ZHX3: variants seen among roughly 807,000 people sequenced by gnomAD.
ZHX3 encodes the protein zinc fingers and homeoboxes 3, also known as zinc fingers and homeoboxes protein 3.
In ZHX3, 20 loss-of-function variants were observed where a neutral mutation model predicts 64.5. The ratio of observed to expected loss-of-function variants is 0.31; its 90% CI spans 0.22 to 0.45. The LOEUF (loss-of-function observed/expected upper bound fraction) is 0.45, where lower values mean the gene tolerates loss of function less well. Among genes scored for constraint, ZHX3 ranks in the 20% least tolerant of loss-of-function variants. The pLI is 1.00. For missense variants in ZHX3, 1,041 were observed against 1,195.8 expected, an observed-to-expected ratio of 0.87 and a Z score of 1.91; for synonymous variants, 423 against 461.6, an observed-to-expected ratio of 0.92 and a Z score of 1.07.
intron 1 of ZHX3, among the ~76,000 whole-genome samples, chr20:41,276,388 G>A (rs2043381985): frequency 6.6e-6 from 1 of 152,122 alleles, no homozygotes; most frequent in Non-Finnish European, 1.5e-5. Context: ...GAAATTTGCT[G>A]CAAGGCTGCT....
chr20:41,204,640 C>G lies in ZHX3; in HGVS notation c.277G>C (p.Val93Leu). ...DFRSHDMTQFVGHMNSEHTDF... is the reference protein window; with the variant it reads ...DFRSHDMTQFLGHMNSEHTDF... ...GTGTGCTCTGAGTTCATATGTCCCA[C>G]AAATTGGGTCATGTCATGGGATCTG... The change falls in exon 3 of 4, where the codon GTG (valine) becomes CTG (leucine). Residue 93 changes from valine to leucine, a missense_variant. Around this residue, in one of 4 missense-constraint regions of ZHX3, gnomAD observed 358 missense variants for 369.1 expected, o/e 0.97. Coordinates refer to ENST00000683867, the MANE Select transcript of ZHX3 (RefSeq NM_001384317.1). This position sits in a 1 kb window ranked among gnomAD's most constrained non-coding sequence, Gnocchi z 6.6. 6.2e-7 allele frequency: 1 copy of G among 1,614,230 alleles called. No individual in the cohort carries two copies. Among genetic ancestry groups the G allele is most frequent in the Non-Finnish European group, 8.5e-7 (1 of 1,180,042 alleles).
intron 1 of ZHX3, among the ~76,000 whole-genome samples, chr20:41,283,859 C>G (rs888610306): frequency 1.3e-4 from 20 of 152,284 alleles, no homozygotes; most frequent in Non-Finnish European, 2.6e-4. Context: ...AACCCAGCTC[C>G]TCTTAGGAAC....
intron 3 of ZHX3, among the ~76,000 whole-genome samples, chr20:41,194,122 T>C (rs981456184): frequency 1.3e-5 from 2 of 152,216 alleles, no homozygotes; most frequent in Non-Finnish European, 2.9e-5. Context: ...CTTCCAATGC[T>C]GTTTTGAATA....
intron 2 of ZHX3, among the ~76,000 whole-genome samples, chr20:41,231,972 G>A (rs2040633432): frequency 1.3e-5 from 2 of 152,184 alleles, no homozygotes; most frequent in Admixed American, 6.5e-5. Flanking sequence ...GTGGAAACTA[G>A]CTATGGAAAC....
intron 3 of ZHX3, among the ~76,000 whole-genome samples, chr20:41,188,222 A>T (rs909325582): frequency 2.6e-5 from 4 of 152,050 alleles, no homozygotes; most frequent in Admixed American, 2.6e-4. Context: ...CTCCAGTTCT[A>T]TTATTTTTTG....
chr20:41,268,695 A>C (rs1306025090), intron 2 of ZHX3, among the ~76,000 whole-genome samples: 1 of 152,242 alleles, frequency 6.6e-6, no homozygotes, highest in African/African-American at 2.4e-5. Flanking sequence ...GAGAGACACA[A>C]CACAGGATAC....
rs950724646 is a variant in ZHX3, at chr20:41,201,942, T to C, written c.2860+115A>G. 20 of 1,331,228 alleles carry C rather than the reference T, an allele frequency of 1.5e-5. No individual in the cohort carries two copies. In the African/African-American group the frequency reaches 2.7e-4, roughly 18 times the overall value. The allele number at this position is 1,331,228 out of a possible 1,614,324, so 82.5% of individuals were successfully genotyped here. ...GAAGCAGCCAGGCGGTTAATGCTGCTGCCAGGCAGCCTTAGAGACAGCAGA... is the reference window on the plus strand; with the variant it reads ...GAAGCAGCCAGGCGGTTAATGCTGCCGCCAGGCAGCCTTAGAGACAGCAGA... On this transcript the variant is annotated intron_variant, in intron 3 of 3. Coordinates refer to ENST00000683867, the MANE Select transcript of ZHX3 (RefSeq NM_001384317.1). The surrounding 1 kb of genome is among the most constrained non-coding windows in gnomAD (Gnocchi z 5.0).
intron 1 of ZHX3, among the ~76,000 whole-genome samples, chr20:41,284,362 C>T (rs867907337): frequency 3.3e-5 from 5 of 152,154 alleles, no homozygotes; most frequent in South Asian, 2.1e-4. Flanking sequence ...TCTCTCACCA[C>T]AGAGCAAGCT....
At chr20:41,305,741 G>A (rs931916318) in intron 1 of ZHX3, among the ~76,000 whole-genome samples, 3 of 148,862 alleles carry the variant, frequency 2.0e-5, no homozygotes, top group Middle Eastern at 3.6e-3. Context: ...CCGAGATCGC[G>A]CCACTGCACT....
intron 3 of ZHX3, among the ~76,000 whole-genome samples, chr20:41,191,816 G>A (rs376382538): frequency 3.2e-4 from 49 of 152,330 alleles, no homozygotes; most frequent in African/African-American, 1.1e-3. Flanking sequence ...AGTTACTAGT[G>A]GAAGCTATGG....
chr20:41,258,982 CT>C (rs1475743068), intron 2 of ZHX3, among the ~76,000 whole-genome samples: 1 of 151,744 alleles, frequency 6.6e-6, no homozygotes, highest in East Asian at 1.9e-4. Flanking sequence ...GTGAATTTTA[CT>C]TTTCTTCTGC....
intron 1 of ZHX3, among the ~76,000 whole-genome samples, chr20:41,286,654 T>C (rs1600632858): frequency 1.3e-5 from 2 of 152,196 alleles, no homozygotes; most frequent in South Asian, 4.1e-4. Flanking sequence ...CCCTGCATGA[T>C]CTATCTTCCC....
At chr20:41,194,852 TTATAA>T (rs769892135) in intron 3 of ZHX3, among the ~76,000 whole-genome samples, 36 of 152,326 alleles carry the variant, frequency 2.4e-4, no homozygotes, top group Middle Eastern at 6.8e-3. Context: ...TAGTAGTCTC[TTATAA>T]TATCATATTC....
At chr20:41,252,333 A>G (rs1016069296) in intron 2 of ZHX3, among the ~76,000 whole-genome samples, 2 of 152,208 alleles carry the variant, frequency 1.3e-5, no homozygotes, top group African/African-American at 4.8e-5. Flanking sequence ...GGACTACTGG[A>G]TGCCTGCCTC....
intron 1 of ZHX3, among the ~76,000 whole-genome samples, chr20:41,292,845 A>T (rs1396036487): frequency 6.6e-6 from 1 of 152,276 alleles, no homozygotes; most frequent in Non-Finnish European, 1.5e-5. Context: ...AACAGTATAC[A>T]CAACCACTTT....
intron 2 of ZHX3, among the ~76,000 whole-genome samples, chr20:41,216,078 CTAT>C (rs2039514089): frequency 6.6e-6 from 1 of 152,020 alleles, no homozygotes; most frequent in Non-Finnish European, 1.5e-5. Context: ...AATGTGACTA[CTAT>C]GAGGTTGATC....
At chr20:41,186,340 C>T (rs1222955867) in intron 3 of ZHX3, among the ~76,000 whole-genome samples, 1 of 152,170 alleles carries the variant, frequency 6.6e-6, no homozygotes, top group Admixed American at 6.5e-5. Flanking sequence ...GAATTTTATT[C>T]CTTTTTTGGC....
rs969461377 is a variant in ZHX3, at chr20:41,219,130, C to T, written c.-150-14064G>A. 3.3e-5 allele frequency among the ~76,000 whole-genome samples: 5 copies of T among 151,838 alleles called. No homozygotes were observed. Among genetic ancestry groups the T allele is most frequent in the South Asian group, 2.1e-4 (1 of 4,822 alleles). ...ATTTTTATTAGAGACGGGTTTTCAC[C>T]GTGTTAGCGAGCATGGTCTCGATCT... On this transcript the variant is annotated intron_variant, in intron 2 of 3. Transcript: ENST00000683867. This position sits in a 1 kb window ranked among gnomAD's most constrained non-coding sequence, Gnocchi z 5.0.
intron 1 of ZHX3, among the ~76,000 whole-genome samples, chr20:41,270,957 G>A (rs2043115707): frequency 6.6e-6 from 1 of 152,176 alleles, no homozygotes; most frequent in African/African-American, 2.4e-5. Context: ...AAAAAGGATT[G>A]CTTGAGGCCA....
Sources: allele counts gnomAD v4.1 joint callset (sites outside exome capture counted in the v4.1 genomes callset), GRCh38; gene constraint gnomAD v4.1.1; regional missense constraint gnomAD v4.1.1; non-coding constraint Gnocchi (gnomAD v3.1); transcripts MANE v1.5; gene names NCBI Gene and HGNC (gene_info 2026-07-23, HGNC 2026-07-21).